The following SORCS2 variants were observed in gnomAD, a reference collection of about 807,000 sequenced individuals.
SORCS2 encodes the protein VPS10 domain-containing receptor SorCS2.
SORCS2 carries 100 observed loss-of-function variants against 141.6 expected under a neutral mutation model. The observed-to-expected ratio is 0.71, with a 90% CI of 0.60 to 0.83. The LOEUF is 0.83. SORCS2 is among the 40% of genes least tolerant of loss of function. The pLI is 0.00. For synonymous variants in SORCS2, 789 were observed against 676.9 expected, an observed-to-expected ratio of 1.17 and a Z score of -2.57; for missense variants, 1,646 against 1,560.2, an observed-to-expected ratio of 1.05 and a Z score of -0.93.
At chr4:7,299,316 G>T (rs1717281642) in intron 1 of SORCS2, among the ~76,000 whole-genome samples, 1 of 152,200 alleles carries the variant, frequency 6.6e-6, no homozygotes, top group Non-Finnish European at 1.5e-5. Context: ...ATCAGGCATG[G>T]CCCACTGAGC....
chr4:7,565,130 A>G (rs1384567632), intron 3 of SORCS2, among the ~76,000 whole-genome samples: 1 of 152,082 alleles, frequency 6.6e-6, no homozygotes, highest in Non-Finnish European at 1.5e-5. Context: ...TGGAGACTCC[A>G]CTCGCTCAGG....
At chr4:7,688,702 C>T (rs189528555) in intron 10 of SORCS2, among the ~76,000 whole-genome samples, 1 of 125,628 alleles carries the variant, frequency 8.0e-6, no homozygotes, top group Non-Finnish European at 1.7e-5. Flanking sequence ...CTATGGAGTT[C>T]CCTGACTTGG....
intron 4 of SORCS2, among the ~76,000 whole-genome samples, chr4:7,650,715 T>A (rs1231934214): frequency 1.7e-5 from 1 of 58,082 alleles, no homozygotes; most frequent in African/African-American, 6.4e-5. Flanking sequence ...CAGCCCTCTC[T>A]CCCCGCCCCG....
chr4:7,548,436 G>A (rs566178916), intron 3 of SORCS2, among the ~76,000 whole-genome samples: 63 of 152,248 alleles, frequency 4.1e-4, no homozygotes, highest in Non-Finnish European at 7.4e-4. Context: ...AATGAGAGCC[G>A]CCATGTACTA....
intron 2 of SORCS2, among the ~76,000 whole-genome samples, chr4:7,503,607 G>A (rs914292229): frequency 1.3e-5 from 2 of 152,206 alleles, no homozygotes; most frequent in African/African-American, 4.8e-5. Flanking sequence ...AACAGCTGGA[G>A]AGGGTATACC....
At chr4:7,341,200 G>A (rs1720348683) in intron 1 of SORCS2, among the ~76,000 whole-genome samples, 1 of 152,254 alleles carries the variant, frequency 6.6e-6, no homozygotes, top group African/African-American at 2.4e-5. Flanking sequence ...GTGGTGTGGA[G>A]TAGACCCTGG....
intron 1 of SORCS2, among the ~76,000 whole-genome samples, chr4:7,383,263 G>A (rs1002641000): frequency 7.9e-5 from 12 of 152,146 alleles, no homozygotes; most frequent in African/African-American, 2.9e-4. Context: ...CTGAGGGGTA[G>A]GCCTTTAGAG....
intron 1 of SORCS2, among the ~76,000 whole-genome samples, chr4:7,372,757 C>T (rs1722339449): frequency 6.6e-6 from 1 of 152,112 alleles, no homozygotes; most frequent in Non-Finnish European, 1.5e-5. Flanking sequence ...CACCCCCAAG[C>T]CCTGGACCCC....
intron 1 of SORCS2, among the ~76,000 whole-genome samples, chr4:7,346,454 A>G (rs945409179): frequency 2.0e-5 from 3 of 152,216 alleles, no homozygotes; most frequent in Non-Finnish European, 4.4e-5. Flanking sequence ...TTTACAGCCT[A>G]GCATGTGATC....
intron 2 of SORCS2, among the ~76,000 whole-genome samples, chr4:7,510,418 C>T (rs1034914281): frequency 2.0e-5 from 3 of 152,250 alleles, no homozygotes; most frequent in Admixed American, 2.0e-4. Context: ...CAGGGAAGGG[C>T]ACTCCTCACA....
chr4:7,712,594 A>G, intron 14 of SORCS2, 139 bp from the exon 15 acceptor site: 1 of 1,280,834 alleles, frequency 7.8e-7, no homozygotes, highest in Non-Finnish European at 1.1e-6. Flanking sequence ...CCTCGCTCTG[A>G]TCTCCAGCAA....
chr4:7,244,363 C>T (rs913180057), intron 1 of SORCS2, among the ~76,000 whole-genome samples: 2 of 152,266 alleles, frequency 1.3e-5, no homozygotes, highest in African/African-American at 4.8e-5. Flanking sequence ...TTTCAGCGGC[C>T]TCCTATTCCC....
At chr4:7,324,797 A>G (rs1719133807) in intron 1 of SORCS2, among the ~76,000 whole-genome samples, 1 of 152,246 alleles carries the variant, frequency 6.6e-6, no homozygotes, top group East Asian at 1.9e-4. Flanking sequence ...AAAAGACACA[A>G]AACCCATCAC....
intron 1 of SORCS2, among the ~76,000 whole-genome samples, chr4:7,223,115 C>T (rs560121208): frequency 6.1e-4 from 93 of 152,204 alleles, no homozygotes; most frequent in African/African-American, 1.9e-3. Flanking sequence ...AACCCAGACT[C>T]GTGTTCTGAT....
chr4:7,591,851 C>T (rs1383129824), intron 3 of SORCS2, among the ~76,000 whole-genome samples: 1 of 152,180 alleles, frequency 6.6e-6, no homozygotes, highest in Non-Finnish European at 1.5e-5. Flanking sequence ...CCGCTGCCTG[C>T]GCTCTGCGGT....
intron 26 of SORCS2, 96 bp downstream of exon 26, chr4:7,737,268 G>A (rs1470098829): frequency 1.1e-4 from 163 of 1,487,550 alleles, no homozygotes; most frequent in Non-Finnish European, 1.3e-4. Context: ...CCGCTGGGCC[G>A]CTGGGGCCAG....
intron 4 of SORCS2, among the ~76,000 whole-genome samples, chr4:7,639,547 ATG>A (rs10582191): frequency 0.32 from 46,548 of 147,336 alleles, 7,578 homozygotes; most frequent in Middle Eastern, 0.39. Context: ...GTTAGTGTGA[ATG>A]TGTGTGACTG....
intron 1 of SORCS2, among the ~76,000 whole-genome samples, chr4:7,279,904 C>T (rs1221211220): frequency 4.1e-5 from 6 of 148,034 alleles, no homozygotes; most frequent in Admixed American, 2.7e-4. Context: ...TTGCAACTCT[C>T]AGGCAAAGGT....
At chr4:7,532,685 C>T (rs1450417138) in intron 3 of SORCS2, among the ~76,000 whole-genome samples, 2 of 151,214 alleles carry the variant, frequency 1.3e-5, no homozygotes, top group Non-Finnish European at 2.9e-5. Flanking sequence ...ACAGGCCTGG[C>T]AGCAGCAGTC....
Sources: allele counts gnomAD v4.1 joint callset (sites outside exome capture counted in the v4.1 genomes callset), GRCh38; gene constraint gnomAD v4.1.1; transcripts MANE v1.5; gene names NCBI Gene and HGNC (gene_info 2026-07-23, HGNC 2026-07-21).